PALD1: variants seen among roughly 807,000 people sequenced by gnomAD.
PALD1 encodes paladin.
In PALD1, 57 loss-of-function variants were observed where a neutral mutation model predicts 96.0. That is an observed-to-expected ratio of 0.59 (90% confidence interval 0.48 to 0.74). PALD1 has a LOEUF of 0.74. Ranked by LOEUF, PALD1 falls within the 30% of genes least tolerant of loss-of-function variation. The pLI, the probability that PALD1 is intolerant of heterozygous loss-of-function variation, is 0.00. For synonymous variants in PALD1, 464 were observed against 473.6 expected (o/e 0.98, Z 0.26); for missense variants, 1,063 against 1,143.7 (o/e 0.93, Z 1.02).
At chr10:70,563,387 G>A (rs1048131947) in intron 18 of PALD1, among the ~76,000 whole-genome samples, 7 of 152,112 alleles carry the variant, frequency 4.6e-5, no homozygotes, top group African/African-American at 1.4e-4. Context: ...ACGGCCCAGC[G>A]GCACTCCCAC....
chr10:70,461,055 C>CA, the PALD1 span, among the ~76,000 whole-genome samples: 14,955 of 151,104 alleles, frequency 0.099, 1,230 homozygotes, highest in East Asian at 0.41. Context: ...AACTTCGTCT[C>CA]AAAAAAAAAT....
chr10:70,459,307 G>A, the PALD1 span, among the ~76,000 whole-genome samples: 16 of 152,344 alleles, frequency 1.1e-4, no homozygotes, highest in African/African-American at 3.8e-4. Flanking sequence ...AGTCAGAGGC[G>A]GAGCTGCCCT....
intron 1 of PALD1, among the ~76,000 whole-genome samples, chr10:70,500,921 C>T (rs1458611283): frequency 6.6e-6 from 1 of 152,060 alleles, no homozygotes; most frequent in Non-Finnish European, 1.5e-5. Flanking sequence ...TGTGCCTGGC[C>T]TTCTGCAGTA....
chr10:70,562,023 G>C (rs1292498892), intron 18 of PALD1, among the ~76,000 whole-genome samples: 1 of 152,260 alleles, frequency 6.6e-6, no homozygotes. Flanking sequence ...GCACGGTGTA[G>C]TGGTCCCTCC....
In PALD1 at chr10:70,539,584, T is replaced by C. The variant is rs1378046086; in HGVS notation, c.1730T>C (p.Leu577Pro). Residue 577 changes from leucine to proline, a missense_variant, in exon 15 of 20, where the codon CTG (leucine) becomes CCG (proline). Physicochemically the swap from Leu to Pro is moderately conservative, Grantham distance 98 (BLOSUM62 -3). Transcript: ENST00000263563. The surrounding 1 kb of genome is among the most constrained non-coding windows in gnomAD (Gnocchi z 4.5). ...CTCCCTCCTGCCCTTGCCCAGACCC[T>C]GGAGGCCCAGCTGAAGGCCCATCTA... ...PPVAPDQLET[L>P]EAQLKAHLSE... 10 of 1,608,022 alleles carry C rather than the reference T, an allele frequency of 6.2e-6. No individual in the cohort carries two copies. Among genetic ancestry groups the C allele is most frequent in the Admixed American group, 1.7e-5 (1 of 59,402 alleles).
At chr10:70,493,655 G>A (rs1028051037) in intron 1 of PALD1, among the ~76,000 whole-genome samples, 15 of 152,174 alleles carry the variant, frequency 9.9e-5, no homozygotes, top group African/African-American at 3.6e-4. Context: ...CATGCTTCTA[G>A]GTGTTCAGGC....
chr10:70,532,522 G>C, intron 5 of PALD1, 99 bp from the exon 6 acceptor site: 1 of 1,209,768 alleles, frequency 8.3e-7, no homozygotes, highest in Non-Finnish European at 1.2e-6. Context: ...CCTGCCTGTG[G>C]CCTCTGCATG....
At chr10:70,519,563 T>G (rs1326964149) in intron 1 of PALD1, among the ~76,000 whole-genome samples, 1 of 144,876 alleles carries the variant, frequency 6.9e-6, no homozygotes, top group African/African-American at 2.8e-5. Flanking sequence ...GGATTAGGAT[T>G]TCTTTCTTTC....
chr10:70,498,930 GA>G (rs368178307), intron 1 of PALD1, among the ~76,000 whole-genome samples: 1,360 of 73,868 alleles, frequency 0.018, 19 homozygotes, highest in African/African-American at 0.049. Flanking sequence ...CTTTATCTCA[GA>G]AAAAAAAAAA....
chr10:70,530,726 G>T (rs1194620631), intron 4 of PALD1, among the ~76,000 whole-genome samples: 5 of 152,192 alleles, frequency 3.3e-5, no homozygotes, highest in Non-Finnish European at 7.3e-5. Flanking sequence ...GAGTGAGACA[G>T]AATGGGGTGG....
chr10:70,495,650 A>G (rs1168706074), intron 1 of PALD1, among the ~76,000 whole-genome samples: 1 of 152,110 alleles, frequency 6.6e-6, no homozygotes, highest in African/African-American at 2.4e-5. Context: ...GGAAGGGCAT[A>G]AGCGTTTTCT....
intron 1 of PALD1, among the ~76,000 whole-genome samples, chr10:70,504,951 C>T (rs930655151): frequency 2.0e-5 from 3 of 152,324 alleles, no homozygotes; most frequent in Non-Finnish European, 2.9e-5. Flanking sequence ...TACCTCGTCA[C>T]GTTAAGATCC....
Position 70,490,382 on chromosome 10 carries a change from C to T in PALD1, c.-30+11323C>T, listed in dbSNP as rs534959763. On this transcript the variant is annotated intron_variant, in intron 1 of 19. Coordinates refer to ENST00000263563, the MANE Select transcript of PALD1 (RefSeq NM_014431.3). ...GACCACAGGCATGTGCCACCACATC[C>T]GGCTAATTTAAAAGTTTTTTTAATA... is the stretch of plus-strand genomic sequence containing the variant. Among the ~76,000 whole-genome samples, 20 of 152,274 alleles carry T rather than the reference C, an allele frequency of 1.3e-4. No individual in the cohort carries two copies. The East Asian group carries it at 1.5e-3, about 12-fold the overall frequency.
At chr10:70,563,127 C>G (rs972302608) in intron 18 of PALD1, among the ~76,000 whole-genome samples, 1 of 152,130 alleles carries the variant, frequency 6.6e-6, no homozygotes, top group Admixed American at 6.5e-5. Flanking sequence ...TAAGTGGGGC[C>G]CAGGCATCTG....
intron 18 of PALD1, among the ~76,000 whole-genome samples, chr10:70,563,182 A>G (rs1847776079): frequency 6.6e-6 from 1 of 152,132 alleles, no homozygotes; most frequent in African/African-American, 2.4e-5. Flanking sequence ...AAGGTTGTGA[A>G]CCGCTGACCT....
the PALD1 span, among the ~76,000 whole-genome samples, chr10:70,465,396 A>T: frequency 3.4e-4 from 52 of 152,184 alleles, no homozygotes; most frequent in Admixed American, 1.4e-3. Context: ...TTACTCAGGC[A>T]GTTAGTGGCT....
chr10:70,509,213 G>C (rs1846465606), intron 1 of PALD1, among the ~76,000 whole-genome samples: 2 of 152,160 alleles, frequency 1.3e-5, no homozygotes. Context: ...GCTTCCTAGT[G>C]TCCGTTGGGA....
rs10669002 is a variant in PALD1, at chr10:70,487,130, ATTTTT to A, written c.-30+8088_-30+8092del. On this transcript the variant is annotated intron_variant, in intron 1 of 19. Transcript: ENST00000263563. ...GCATTTGACTGTCCCTCTGAGCCCA[ATTTTT>A]TTTTTTTTTTTTTTTTGAGACAGAG... Among the ~76,000 whole-genome samples the A allele has an allele frequency of 1.9e-4, 21 of 110,394 alleles. No homozygotes were observed. In the South Asian group the frequency reaches 3.7e-3, roughly 19 times the overall value. The allele number at this position is 110,394 out of a possible 152,430, so 72.4% of individuals were successfully genotyped here.
chr10:70,510,779 A>G (rs865789352), intron 1 of PALD1, among the ~76,000 whole-genome samples: 66 of 152,350 alleles, frequency 4.3e-4, no homozygotes, highest in African/African-American at 1.5e-3. Flanking sequence ...TTGGAGCAGT[A>G]GAGGCCAGGT....
Sources: gnomAD v4.1 joint callset for allele counts (sites outside exome capture counted in the v4.1 genomes callset) on GRCh38, gnomAD v4.1.1 for gene constraint, Gnocchi (gnomAD v3.1) non-coding constraint, MANE v1.5 for transcripts, NCBI Gene and HGNC (gene_info 2026-07-23, HGNC 2026-07-21) for gene names.